GOLGA1: variants seen among roughly 807,000 people sequenced by gnomAD.
GOLGA1 encodes golgin subfamily A member 1.
GOLGA1 carries 63 observed loss-of-function variants against 119.7 expected under a neutral mutation model. The observed-to-expected ratio is 0.53, with a 90% CI of 0.43 to 0.65. The LOEUF (loss-of-function observed/expected upper bound fraction) is 0.65. Among genes scored for constraint, GOLGA1 ranks in the 30% least tolerant of loss-of-function variants. GOLGA1 has a pLI of 0.00. For synonymous variants in GOLGA1, 318 were observed against 333.4 expected (o/e 0.95, Z 0.50); for missense variants, 798 against 912.8 (o/e 0.87, Z 1.62).
intron 15 of GOLGA1, among the ~76,000 whole-genome samples, chr9:124,895,757 G>A (rs576291364): frequency 2.7e-4 from 38 of 139,646 alleles, no homozygotes; most frequent in African/African-American, 9.3e-4. Flanking sequence ...CCACAACAGA[G>A]AACCTCCACA....
intron 19 of GOLGA1, among the ~76,000 whole-genome samples, chr9:124,883,104 A>ATTT (rs35331600): frequency 6.7e-6 from 1 of 148,806 alleles, no homozygotes; most frequent in Non-Finnish European, 1.5e-5. Context: ...TTGGAAAATA[A>ATTT]TTTTTTTTTT....
intron 7 of GOLGA1, among the ~76,000 whole-genome samples, chr9:124,925,481 C>G (rs1830656246): frequency 6.6e-6 from 1 of 151,786 alleles, no homozygotes; most frequent in Non-Finnish European, 1.5e-5. Context: ...CTTTGGGAGG[C>G]CAGGCAGGAG....
At chr9:124,935,847 C>G (rs1311397859) in intron 3 of GOLGA1, among the ~76,000 whole-genome samples, 1 of 151,434 alleles carries the variant, frequency 6.6e-6, no homozygotes, top group Middle Eastern at 3.2e-3. Context: ...GAGGGAAGAG[C>G]CTAAAATACC....
chr9:124,916,602 A>C (rs1449847070), intron 10 of GOLGA1, among the ~76,000 whole-genome samples: 1 of 152,102 alleles, frequency 6.6e-6, no homozygotes, highest in African/African-American at 2.4e-5. Flanking sequence ...AGCCAGGCAA[A>C]GTGGCTCATG....
intron 4 of GOLGA1, among the ~76,000 whole-genome samples, chr9:124,929,844 GAATT>G: frequency 6.6e-6 from 1 of 152,124 alleles, no homozygotes. Flanking sequence ...GTGAATGTCA[GAATT>G]AATTATCTAG....
chr9:124,897,463 G>T (rs1012406949), intron 15 of GOLGA1, among the ~76,000 whole-genome samples: 28 of 152,094 alleles, frequency 1.8e-4, no homozygotes, highest in African/African-American at 6.5e-4. Context: ...TCCTGCCTCA[G>T]CCTCCCAGTT....
intron 1 of GOLGA1, among the ~76,000 whole-genome samples, chr9:124,940,681 CAAAG>C (rs150043068): frequency 0.017 from 2,547 of 152,302 alleles, 73 homozygotes; most frequent in African/African-American, 0.059. Context: ...TTTGGACTGT[CAAAG>C]AAAGGAAGGA....
intron 10 of GOLGA1, 22 bp downstream of exon 10, chr9:124,921,107 C>G: frequency 3.7e-4 from 487 of 1,329,472 alleles, no homozygotes; most frequent in Non-Finnish European, 4.8e-4. Context: ...AAATCCAGGT[C>G]TTCTCCTCAT....
At chr9:124,921,071 A>G in intron 10 of GOLGA1, 58 bp downstream of exon 10, 1 of 1,061,746 alleles carries the variant, frequency 9.4e-7, no homozygotes, top group Non-Finnish European at 1.5e-6. Context: ...GAAATTTCTG[A>G]AAGAATTAGT....
intron 12 of GOLGA1, among the ~76,000 whole-genome samples, chr9:124,904,427 AAC>A (rs1186420851): frequency 2.6e-5 from 4 of 152,354 alleles, no homozygotes; most frequent in African/African-American, 7.2e-5. Flanking sequence ...ATTATAATAA[AAC>A]AGTCTTTTCA....
At chr9:124,901,489 C>CAGT (rs2131415204) in intron 12 of GOLGA1, among the ~76,000 whole-genome samples, 1 of 149,296 alleles carries the variant, frequency 6.7e-6, no homozygotes, top group South Asian at 2.1e-4. Flanking sequence ...GGCTGGCGTG[C>CAGT]AGTAGTGCAA....
At position 124,908,357 on chromosome 9, in the gene GOLGA1, A is replaced by G. The variant is rs369643365; in HGVS notation, c.1065+20T>C. 1.8e-5 allele frequency: 25 copies of G among 1,355,576 alleles called. No individual in the cohort carries two copies. The African/African-American group carries it at 3.6e-4, about 19-fold the overall frequency. The allele number at this position is 1,355,576 out of a possible 1,614,324, so 84.0% of individuals were successfully genotyped here. On this transcript the variant is annotated intron_variant, in intron 12 of 22. Transcript: ENST00000373555. The stretch of plus-strand genomic sequence containing the variant: ...AGGTTACCACCCAAACTTAGGAAAC[A>G]CCAGGAGTAAGGTCAGTACCCGAGT...
Position 124,889,207 on chromosome 9 carries a change from T to C in GOLGA1, c.1697A>G (p.Gln566Arg). Residue 566 changes from glutamine to arginine, a missense_variant, in exon 18 of 23, where the codon CAG (glutamine) becomes CGG (arginine). Coordinates refer to ENST00000373555, the MANE Select transcript of GOLGA1 (RefSeq NM_002077.4). ...GCCCCGCAGCCTCAGCAGGTCCTCC[T>C]GCTCCGCGACCACTGCAGCCTCCTC... is the stretch of plus-strand genomic sequence containing the variant. Reference protein sequence around the residue: ...KAEEAAVVAEQEDLLRLRGPL... With the variant: ...KAEEAAVVAEREDLLRLRGPL... 1 of 1,613,158 alleles carries C rather than the reference T, an allele frequency of 6.2e-7. No individual in the cohort carries two copies. Among genetic ancestry groups the C allele is most frequent in the Non-Finnish European group, 8.5e-7 (1 of 1,179,980 alleles).
rs1831144071 is a variant in GOLGA1, at chr9:124,946,268, T to A, written c.-156+1650A>T. On this transcript the variant is annotated intron_variant, in intron 1 of 4. Coordinates refer to the GOLGA1 transcript ENST00000421514. This position sits in a 1 kb window ranked among gnomAD's most constrained non-coding sequence, Gnocchi z 4.0. The stretch of plus-strand genomic sequence containing the variant: ...GAAATAATAAATTACCAAATTTTAA[T>A]ATTTATTCAAGAAAAATGCTGTTAT... The A allele has an allele frequency of 1.3e-5, 2 of 152,212 alleles. No homozygotes were observed. Among genetic ancestry groups the A allele is most frequent in the Non-Finnish European group, 2.9e-5 (2 of 68,040 alleles). 9.4% of individuals were successfully genotyped at this position (152,212 alleles called of 1,614,324 possible).
At chr9:124,911,628 C>T (rs544595453) in intron 11 of GOLGA1, among the ~76,000 whole-genome samples, 3 of 152,296 alleles carry the variant, frequency 2.0e-5, no homozygotes, top group East Asian at 1.9e-4. Context: ...GCCCAAGTGG[C>T]GGAAATCACT....
intron 7 of GOLGA1, among the ~76,000 whole-genome samples, chr9:124,923,967 T>C (rs1830621579): frequency 6.6e-6 from 1 of 152,200 alleles, no homozygotes; most frequent in Non-Finnish European, 1.5e-5. Flanking sequence ...GTGATTTTCA[T>C]GCCTCAGCTT....
intron 7 of GOLGA1, among the ~76,000 whole-genome samples, chr9:124,924,732 A>C (rs997567381): frequency 5.3e-5 from 8 of 151,402 alleles, no homozygotes; most frequent in African/African-American, 1.9e-4. Flanking sequence ...AAAAAAAAAA[A>C]CTTTAACGAT....
chr9:124,906,596 A>T (rs1830237441), intron 12 of GOLGA1, among the ~76,000 whole-genome samples: 1 of 152,064 alleles, frequency 6.6e-6, no homozygotes, highest in African/African-American at 2.4e-5. Context: ...CTAAAAATAT[A>T]AAAAAATTAG....
chr9:124,942,878 A>C (rs1372960209), upstream of GOLGA1: 1 of 152,232 alleles, frequency 6.6e-6, no homozygotes, highest in Admixed American at 6.5e-5. Context: ...ATAGCAGGAG[A>C]AAACATTGGA....
Sources: allele counts gnomAD v4.1 joint callset (sites outside exome capture counted in the v4.1 genomes callset), GRCh38; gene constraint gnomAD v4.1.1; non-coding constraint Gnocchi (gnomAD v3.1); transcripts MANE v1.5; gene names NCBI Gene and HGNC (gene_info 2026-07-23, HGNC 2026-07-21).